TUT4: variants seen among roughly 807,000 people sequenced by gnomAD.
The protein encoded by TUT4 is terminal uridylyltransferase 4.
A neutral mutation model predicts 192.2 loss-of-function variants in TUT4; 36 were observed. The ratio of observed to expected loss-of-function variants is 0.19; its 90% confidence interval spans 0.14 to 0.25. The LOEUF (loss-of-function observed/expected upper bound fraction) is 0.25, where lower values mean the gene tolerates loss of function less well. Among genes scored for constraint, TUT4 ranks in the 10% least tolerant of loss-of-function variants. The probability of loss-of-function intolerance (pLI) is 1.00; values close to 1 mark genes in which losing one functional copy is unlikely to be tolerated. For synonymous variants in TUT4, 618 were observed against 666.0 expected, an observed-to-expected ratio of 0.93 and a Z score of 1.11; for missense variants, 1,493 against 1,957.2, an observed-to-expected ratio of 0.76 and a Z score of 4.47.
intron 1 of TUT4, among the ~76,000 whole-genome samples, chr1:52,537,292 CAG>C (rs576094759): frequency 3.3e-5 from 5 of 151,848 alleles, no homozygotes; most frequent in Non-Finnish European, 7.4e-5. Flanking sequence ...AAAATGAAAA[CAG>C]ATACTCCATG....
At chr1:52,543,051 G>A (rs574747899) in intron 1 of TUT4, among the ~76,000 whole-genome samples, 3 of 152,220 alleles carry the variant, frequency 2.0e-5, no homozygotes, top group South Asian at 2.1e-4. Context: ...CACCATGCCC[G>A]GCCTGTGTTC....
At position 52,481,855 on chromosome 1, in the gene TUT4, A is replaced by G; in HGVS notation, c.1584T>C (p.Phe528=). The G allele has an allele frequency of 3.1e-6, 5 of 1,600,442 alleles. No individual in the cohort carries two copies. Among genetic ancestry groups the G allele is most frequent in the Non-Finnish European group, 4.2e-6 (5 of 1,176,566 alleles). The change falls in exon 10 of 30, where the codon TTT becomes TTC. Residue 528 remains phenylalanine, a synonymous_variant. Transcript: ENST00000257177. ...GAGGGGGTTTTCTCTGTTGTAGAAAAAACATCACCATTAAAGCAAAACAGT... is the reference window on the plus strand; with the variant it reads ...GAGGGGGTTTTCTCTGTTGTAGAAAGAACATCACCATTAAAGCAAAACAGT... ...PSYCFALMVM[F]FLQQRKPPLL...
intron 1 of TUT4, among the ~76,000 whole-genome samples, chr1:52,548,531 A>C (rs929288584): frequency 1.3e-5 from 2 of 152,202 alleles, no homozygotes; most frequent in Non-Finnish European, 2.9e-5. Flanking sequence ...TGACTGCAGC[A>C]AACTAGCTAT....
intron 4 of TUT4, 97 bp downstream of exon 4, chr1:52,509,499 G>A: frequency 2.6e-6 from 2 of 769,644 alleles, no homozygotes; most frequent in Admixed American, 2.8e-5. Flanking sequence ...ATATAAGATT[G>A]GACAAATATT....
chr1:52,519,669 C>A (rs1366804142), intron 2 of TUT4, among the ~76,000 whole-genome samples: 2 of 151,930 alleles, frequency 1.3e-5, no homozygotes, highest in Admixed American at 1.3e-4. Flanking sequence ...GCCACCACGC[C>A]CAGCTAATTT....
In TUT4 at chr1:52,541,271, G is replaced by A. The variant is rs560236384; in HGVS notation, c.-94+11660C>T. Among the ~76,000 whole-genome samples the A allele has an allele frequency of 9.3e-5, 14 of 150,922 alleles. No homozygotes were observed. The East Asian group carries it at 2.5e-3, about 27-fold the overall frequency. The stretch of plus-strand genomic sequence containing the variant: ...CATCAGGCTGGGCACGGGGGCTCAC[G>A]CCTGTAATCCTAGCACTTTGGGAGT... On this transcript the variant is annotated intron_variant, in intron 1 of 29. Transcript: ENST00000257177.
chr1:52,499,187 T>A (rs981735125), intron 4 of TUT4, among the ~76,000 whole-genome samples: 6 of 151,382 alleles, frequency 4.0e-5, no homozygotes, highest in African/African-American at 1.5e-4. Flanking sequence ...TTGCTTGAGG[T>A]CAGGAGTTCG....
chr1:52,469,761 G>A (rs1030218492), intron 14 of TUT4, among the ~76,000 whole-genome samples: 4 of 151,734 alleles, frequency 2.6e-5, no homozygotes, highest in African/African-American at 7.3e-5. Context: ...GTGATGGCAC[G>A]AGCCTGTAGT....
At chr1:52,479,004 G>A (rs1667802553) in intron 11 of TUT4, among the ~76,000 whole-genome samples, 1 of 151,970 alleles carries the variant, frequency 6.6e-6, no homozygotes, top group Admixed American at 6.6e-5. Flanking sequence ...GAAAAAAAAA[G>A]AGTTGAGTAC....
At chr1:52,509,392 C>T (rs943884136) in intron 4 of TUT4, among the ~76,000 whole-genome samples, 1 of 152,156 alleles carries the variant, frequency 6.6e-6, no homozygotes, top group Non-Finnish European at 1.5e-5. Context: ...AATCAACATT[C>T]TAAAGGATGA....
rs371542187 is a variant in TUT4, at chr1:52,475,425, T to C, written c.2134A>G (p.Thr712Ala). 9 of 1,614,040 alleles carry C rather than the reference T, an allele frequency of 5.6e-6. No homozygotes were observed. Among genetic ancestry groups the C allele is most frequent in the Non-Finnish European group, 7.6e-6 (9 of 1,180,056 alleles). ...ACTGTAGACTTATTTCCACCCTTCG[T>C]CTGAGGACAGGCAAAATACCGATAA... ...AAYRYFACPQ[T>A]KGGNKSTVDF... The change falls in exon 13 of 30, where the codon ACG becomes GCG. Residue 712 changes from threonine to alanine, a missense_variant. Thr to Ala is a moderately conservative substitution (Grantham distance 58). Around this residue, in one of 7 missense-constraint regions of TUT4, gnomAD observed 245 missense variants for 218.4 expected, o/e 1.12. Transcript: ENST00000257177.
chr1:52,429,986 T>C (rs1157308424), intron 28 of TUT4, among the ~76,000 whole-genome samples: 1 of 152,106 alleles, frequency 6.6e-6, no homozygotes, highest in African/African-American at 2.4e-5. Flanking sequence ...GATGTAAAAC[T>C]AGATTTATAG....
chr1:52,516,174 G>C, intron 2 of TUT4, 120 bp from the exon 3 acceptor site: 1 of 837,992 alleles, frequency 1.2e-6, no homozygotes, highest in Admixed American at 2.9e-5. Flanking sequence ...ATTTTCCTTA[G>C]GAAAGTATAC....
chr1:52,481,936 G>T lies in TUT4; in HGVS notation c.1516-13C>A. The T allele has an allele frequency of 6.7e-7, 1 of 1,482,884 alleles. No homozygotes were observed. The highest frequency in any genetic ancestry group is 8.9e-7 in the Non-Finnish European group (1 of 1,120,776). 91.9% of individuals were successfully genotyped at this position (1,482,884 alleles called of 1,614,324 possible). ...CAATATAGCACAACTGCAAAATGAA[G>T]GGGAAAAAAGTACTACCATTTAGCT... On this transcript the variant is annotated splice_polypyrimidine_tract_variant and intron_variant, in intron 9 of 29. Coordinates refer to ENST00000257177, the MANE Select transcript of TUT4 (RefSeq NM_001009881.3).
chr1:52,538,120 C>A (rs1685454282), intron 1 of TUT4, among the ~76,000 whole-genome samples: 1 of 152,058 alleles, frequency 6.6e-6, no homozygotes, highest in Non-Finnish European at 1.5e-5. Flanking sequence ...CCCATAGTCC[C>A]AGCTGCTTGG....
intron 1 of TUT4, among the ~76,000 whole-genome samples, chr1:52,540,634 A>T (rs1686349351): frequency 6.6e-6 from 1 of 152,112 alleles, no homozygotes; most frequent in African/African-American, 2.4e-5. Flanking sequence ...CAGTATTTCC[A>T]TTTTATACAT....
At chr1:52,441,142 A>C (rs1481698591) in intron 24 of TUT4, among the ~76,000 whole-genome samples, 1 of 152,176 alleles carries the variant, frequency 6.6e-6, no homozygotes, top group Admixed American at 6.6e-5. Context: ...AGATACCTAT[A>C]GATGCAGGTA....
chr1:52,471,818 T>C, intron 14 of TUT4, 134 bp downstream of exon 14: 2 of 879,380 alleles, frequency 2.3e-6, no homozygotes, highest in Non-Finnish European at 3.3e-6. Context: ...ATTTAGTAAA[T>C]ATCTGTGCTT....
chr1:52,448,804 CCT>C (rs1464253231), intron 20 of TUT4, among the ~76,000 whole-genome samples: 5 of 151,882 alleles, frequency 3.3e-5, no homozygotes, highest in African/African-American at 1.2e-4. Flanking sequence ...TCTTTAGAAC[CCT>C]GTTTTGAGAT....
Sources: allele counts gnomAD v4.1 joint callset (sites outside exome capture counted in the v4.1 genomes callset), GRCh38; gene constraint gnomAD v4.1.1; regional missense constraint gnomAD v4.1.1; transcripts MANE v1.5; gene names NCBI Gene and HGNC (gene_info 2026-07-23, HGNC 2026-07-21).